Variants in PEDS1 observed in about 807,000 individuals in gnomAD.
PEDS1 encodes the protein CarF homolog.
Under a neutral mutation model 35.2 loss-of-function variants are expected in PEDS1, and 14 were observed. The observed-to-expected ratio is 0.40, with a 90% CI of 0.26 to 0.62. PEDS1 has a LOEUF of 0.62. PEDS1 is among the 20% of genes least tolerant of loss of function. PEDS1 has a pLI of 0.44. For missense variants in PEDS1, 260 were observed against 367.8 expected (o/e 0.71, Z 2.40); for synonymous variants, 152 against 152.0 (o/e 1.00, Z 0.00).
chr20:50,145,414 G>T (rs923559697), intron 1 of PEDS1, among the ~76,000 whole-genome samples: 5 of 151,840 alleles, frequency 3.3e-5, no homozygotes, highest in African/African-American at 1.2e-4. Context: ...AGGAAATAAG[G>T]CCGGGTGCAG....
Position 50,128,317 on chromosome 20 carries a change from C to A in PEDS1, c.479-130G>T, listed in dbSNP as rs543087302. The A allele has an allele frequency of 3.5e-6, 4 of 1,150,486 alleles. No individual in the cohort carries two copies. Among genetic ancestry groups the A allele is most frequent in the Middle Eastern group, 2.8e-4 (1 of 3,556 alleles). The allele number at this position is 1,150,486 out of a possible 1,614,324, so 71.3% of individuals were successfully genotyped here. On this transcript the variant is annotated intron_variant, in intron 4 of 5. Coordinates refer to ENST00000371652, the MANE Select transcript of PEDS1 (RefSeq NM_199129.4). The surrounding 1 kb of genome is among the most constrained non-coding windows in gnomAD (Gnocchi z 5.2). ...AAGCACCCAGGATTCTCTTCCACCC[C>A]CTGCAGGGCCGCAGGCAAGCTCAGG...
At position 50,129,426 on chromosome 20, in the gene PEDS1, T is replaced by G. The variant is rs2081149276; in HGVS notation, c.478+120A>C. On this transcript the variant is annotated intron_variant, in intron 4 of 5. Transcript: ENST00000371652. The surrounding 1 kb of genome is among the most constrained non-coding windows in gnomAD (Gnocchi z 4.2). ...GTTTCCTGATTTTACATGAAGACAA[T>G]GAATGAAAACTCTTTTAAAATACCA... The G allele has an allele frequency of 1.4e-6, 2 of 1,398,130 alleles. No homozygotes were observed. Among genetic ancestry groups the G allele is most frequent in the Admixed American group, 2.7e-5 (1 of 36,544 alleles). 86.6% of individuals were successfully genotyped at this position (1,398,130 alleles called of 1,614,324 possible).
At chr20:50,151,512 T>G (rs59042493) in intron 1 of PEDS1, among the ~76,000 whole-genome samples, 15,090 of 152,058 alleles carry the variant, frequency 0.099, 2,395 homozygotes, top group African/African-American at 0.34. Context: ...GTGGGGAGTT[T>G]GAGGACCAGA....
rs967740586 is a variant in PEDS1 at position 50,119,785 on chromosome 20, C to T, written c.*5273G>A. The T allele has an allele frequency of 1.3e-5, 2 of 152,152 alleles. No homozygotes were observed. Among genetic ancestry groups the T allele is most frequent in the Non-Finnish European group, 1.5e-5 (1 of 68,048 alleles). 9.4% of individuals were successfully genotyped at this position (152,152 alleles called of 1,614,324 possible). On this transcript the variant is annotated 3_prime_UTR_variant, in exon 6 of 6. Coordinates refer to ENST00000371652, the MANE Select transcript of PEDS1 (RefSeq NM_199129.4). Reference sequence around the variant, plus strand: ...AACTTTTCTCTGTAAAGGGCCAGATCGTAAATATTTTAGGCTGTGTGGACC... The same window carrying T: ...AACTTTTCTCTGTAAAGGGCCAGATTGTAAATATTTTAGGCTGTGTGGACC...
chr20:50,133,207 G>A (rs952264142), intron 2 of PEDS1, among the ~76,000 whole-genome samples: 3 of 151,864 alleles, frequency 2.0e-5, no homozygotes, highest in Admixed American at 6.6e-5. Context: ...CAATCCTGAC[G>A]TCCAGGCCTG....
chr20:50,152,080 C>T (rs1176145997), intron 1 of PEDS1, among the ~76,000 whole-genome samples: 1 of 152,098 alleles, frequency 6.6e-6, no homozygotes, highest in Non-Finnish European at 1.5e-5. Context: ...CCTGGCCTAC[C>T]CCCAGGAGAG....
In PEDS1 at chr20:50,119,063, G is replaced by T. The variant is rs907865737; in HGVS notation, c.*5995C>A. On this transcript the variant is annotated 3_prime_UTR_variant, in exon 6 of 6. Transcript: ENST00000371652. ...TTGATAACACGCTGTGTTGGCAAGGGTGTGAGGAAACAGGGACTCTGAAAA... is the reference window on the plus strand; with the variant it reads ...TTGATAACACGCTGTGTTGGCAAGGTTGTGAGGAAACAGGGACTCTGAAAA... The T allele has an allele frequency of 2.0e-5, 3 of 152,204 alleles. No homozygotes were observed. Among genetic ancestry groups the T allele is most frequent in the African/African-American group, 7.2e-5 (3 of 41,438 alleles). 9.4% of individuals were successfully genotyped at this position (152,204 alleles called of 1,614,324 possible).
Position 50,128,850 on chromosome 20 carries a change from C to T in PEDS1, c.479-663G>A, listed in dbSNP as rs761662887. Among the ~76,000 whole-genome samples the T allele has an allele frequency of 2.0e-5, 3 of 152,190 alleles. No homozygotes were observed. Among genetic ancestry groups the T allele is most frequent in the Non-Finnish European group, 4.4e-5 (3 of 68,020 alleles). Reference sequence around the variant, plus strand: ...ATCCCAAGGAGACAGGTGGGACCTCCCCTCCATCCCTGGAGAAGCTGGGAG... The same window carrying T: ...ATCCCAAGGAGACAGGTGGGACCTCTCCTCCATCCCTGGAGAAGCTGGGAG... On this transcript the variant is annotated intron_variant, in intron 4 of 5. Transcript: ENST00000371652. This position sits in a 1 kb window ranked among gnomAD's most constrained non-coding sequence, Gnocchi z 5.2.
At position 50,122,339 on chromosome 20, in the gene PEDS1, C is replaced by T. The variant is rs2081058499; in HGVS notation, c.*2719G>A. 1 of 152,150 alleles carries T rather than the reference C, an allele frequency of 6.6e-6. No individual in the cohort carries two copies. 9.4% of individuals were successfully genotyped at this position (152,150 alleles called of 1,614,324 possible). On this transcript the variant is annotated 3_prime_UTR_variant, in exon 6 of 6. Transcript: ENST00000371652. ...TCTAACACCCTTCCTTGTGTGGTCC[C>T]CTCAGGCATAGTCACAAATCAAAAG...
In PEDS1 at chr20:50,136,832, T is replaced by C. The variant is rs534842483; in HGVS notation, c.242-5885A>G. Among the ~76,000 whole-genome samples, 7 of 150,780 alleles carry C rather than the reference T, an allele frequency of 4.6e-5. No homozygotes were observed. The East Asian group carries it at 1.4e-3, about 29-fold the overall frequency. On this transcript the variant is annotated intron_variant, in intron 2 of 5. Transcript: ENST00000371652. ...TGGGAGGATTGCTTGAGTCCTGGAGTTCAGTACCAGCCTGGGCAACACAGC... is the reference window on the plus strand; with the variant it reads ...TGGGAGGATTGCTTGAGTCCTGGAGCTCAGTACCAGCCTGGGCAACACAGC...
chr20:50,147,048 G>A (rs781408199), intron 1 of PEDS1, among the ~76,000 whole-genome samples: 6 of 152,130 alleles, frequency 3.9e-5, no homozygotes, highest in Non-Finnish European at 8.8e-5. Context: ...CTTCCCGATC[G>A]ACCTGCCTGC....
chr20:50,151,340 A>C (rs1186251963), intron 1 of PEDS1: 27 of 1,276,054 alleles, frequency 2.1e-5, no homozygotes, highest in Non-Finnish European at 2.8e-5. Context: ...AAATGGACAA[A>C]TATGCAATTG....
intron 2 of PEDS1, among the ~76,000 whole-genome samples, chr20:50,141,633 T>C (rs1170569122): frequency 6.6e-6 from 1 of 152,228 alleles, no homozygotes; most frequent in African/African-American, 2.4e-5. Context: ...TGTAGAGGCC[T>C]GCTCGTAACC....
At chr20:50,149,965 T>C (rs6095794) in intron 1 of PEDS1, among the ~76,000 whole-genome samples, 11,891 of 152,194 alleles carry the variant, frequency 0.078, 1,520 homozygotes, top group African/African-American at 0.26. Flanking sequence ...AAAAGTGGAC[T>C]GGGTGCTCAT....
chr20:50,145,376 A>G lies in PEDS1; in HGVS notation c.122-1755T>C, dbSNP rs964772196. The stretch of plus-strand genomic sequence containing the variant: ...AAAACCCTGTCTCTATTAATAAACA[A>G]AACAAAACAAAAAATTTTAAACATT... On this transcript the variant is annotated intron_variant, in intron 1 of 5. Transcript: ENST00000371652. 8.6e-5 allele frequency among the ~76,000 whole-genome samples: 13 copies of G among 151,996 alleles called. No individual in the cohort carries two copies. The East Asian group carries it at 2.3e-3, about 27-fold the overall frequency.
chr20:50,146,555 T>C (rs1040040013), intron 1 of PEDS1, among the ~76,000 whole-genome samples: 8 of 152,088 alleles, frequency 5.3e-5, no homozygotes, highest in African/African-American at 1.9e-4. Context: ...TTTGTCATGA[T>C]AGGGAAACTG....
chr20:50,127,879 G>A, intron 5 of PEDS1, 96 bp downstream of exon 5: 1 of 1,493,632 alleles, frequency 6.7e-7, no homozygotes, highest in East Asian at 2.4e-5. Context: ...GGCAAGGACT[G>A]TGTGACCTCC....
intron 1 of PEDS1, among the ~76,000 whole-genome samples, chr20:50,151,887 A>G (rs2081408516): frequency 6.6e-6 from 1 of 151,972 alleles, no homozygotes; most frequent in Admixed American, 6.6e-5. Context: ...CAAAACAAAA[A>G]ACAACAAAAA....
chr20:50,142,103 G>A (rs553348709), intron 2 of PEDS1, among the ~76,000 whole-genome samples: 22 of 152,338 alleles, frequency 1.4e-4, no homozygotes, highest in Admixed American at 1.1e-3. Flanking sequence ...GCCTTGAAGT[G>A]TGACTCTGGA....
Sources: allele counts gnomAD v4.1 joint callset (sites outside exome capture counted in the v4.1 genomes callset), GRCh38; gene constraint gnomAD v4.1.1; non-coding constraint Gnocchi (gnomAD v3.1); transcripts MANE v1.5; gene names NCBI Gene and HGNC (gene_info 2026-07-23, HGNC 2026-07-21).